The following PSG6 variants were observed in gnomAD, a reference collection of about 807,000 sequenced individuals.
PSG6 encodes pregnancy-specific beta-1-glycoprotein 6.
In PSG6, 51 loss-of-function variants were observed where a neutral mutation model predicts 43.3. That is an observed-to-expected ratio of 1.18 (90% CI 0.94 to 1.49). The LOEUF is 1.49. PSG6 is among the 40% of genes most tolerant of loss of function. PSG6 has a pLI of 0.00. For synonymous variants in PSG6, 292 were observed against 197.6 expected (o/e 1.48, Z -4.01); for missense variants, 770 against 522.2 (o/e 1.47, Z -4.62).
At position 42,902,210 on chromosome 19, in the gene PSG6, T is replaced by A. The variant is rs1972045525; in HGVS notation, c.*202A>T. 1.6e-6 allele frequency: 1 copy of A among 644,712 alleles called. No individual in the cohort carries two copies. Among genetic ancestry groups the A allele is most frequent in the Non-Finnish European group, 2.5e-6 (1 of 396,062 alleles). The allele number at this position is 644,712 out of a possible 1,614,324, so 39.9% of individuals were successfully genotyped here. A position where few individuals can be genotyped will look rare whatever the true frequency, so the allele number is the denominator to read the frequency against. On this transcript the variant is annotated 3_prime_UTR_variant, in exon 6 of 6. Transcript: ENST00000187910. ...CAATTTTTGTTTACAAAAGTATACT[T>A]TACCAATTGCTGAAGAAAAAAAGTT...
intron 3 of PSG6, among the ~76,000 whole-genome samples, chr19:42,908,373 AAC>A (rs1972158547): frequency 6.6e-6 from 1 of 151,796 alleles, no homozygotes; most frequent in Non-Finnish European, 1.5e-5. Flanking sequence ...CAGCAGAAAT[AAC>A]ACAGGGAAGA....
intron 5 of PSG6, chr19:42,906,704 C>G: frequency 4.1e-6 from 6 of 1,474,310 alleles, no homozygotes; most frequent in Non-Finnish European, 5.4e-6. Context: ...CCCTCCCTAC[C>G]TTTCTCAGGC....
At chr19:42,910,291 A>G in intron 3 of PSG6, 2 of 741,900 alleles carry the variant, frequency 2.7e-6, no homozygotes, top group Non-Finnish European at 2.1e-6. Flanking sequence ...CTGAAGTCCC[A>G]GCCAAATCCC....
Position 42,907,459 on chromosome 19 carries a change from T to TTG in PSG6, c.985+116_985+117insCA. On this transcript the variant is annotated intron_variant, in intron 4 of 5. Coordinates refer to ENST00000187910, the MANE Select transcript of PSG6 (RefSeq NM_001031850.4). ...CAGGGCAGGGAGTCATGGCCAGGTC[T>TTG]GATGTCCAGAAGTAAAGTTGTCTAT... is the stretch of plus-strand genomic sequence containing the variant. The TTG allele has an allele frequency of 2.6e-6, 4 of 1,546,880 alleles. 1 individual carries two copies. In the Admixed American group the frequency reaches 7.5e-5, roughly 29 times the overall value.
intron 5 of PSG6, among the ~76,000 whole-genome samples, chr19:42,906,134 C>A (rs902409904): frequency 6.6e-6 from 1 of 151,582 alleles, no homozygotes; most frequent in East Asian, 1.9e-4. Flanking sequence ...ATGCAGAGCC[C>A]CAGGGGTGAA....
At chr19:42,914,986 GA>G (rs1282160539) in intron 2 of PSG6, among the ~76,000 whole-genome samples, 4 of 151,618 alleles carry the variant, frequency 2.6e-5, no homozygotes, top group Non-Finnish European at 4.4e-5. Flanking sequence ...CTGGAGTACA[GA>G]CTAATCAGCT....
chr19:42,910,333 T>G (rs1237083050), intron 3 of PSG6: 7 of 1,004,596 alleles, frequency 7.0e-6, no homozygotes, highest in Non-Finnish European at 8.7e-6. Flanking sequence ...GCCTGAGACA[T>G]TCACCTGTTT....
chr19:42,911,060 G>A (rs1020189042), intron 2 of PSG6, among the ~76,000 whole-genome samples: 1 of 151,540 alleles, frequency 6.6e-6, no homozygotes, highest in Non-Finnish European at 1.5e-5. Context: ...TGTAGGAGAA[G>A]CATGGACTTT....
chr19:42,910,572 A>G lies in PSG6; in HGVS notation c.706+8T>C. The G allele has an allele frequency of 6.2e-7, 1 of 1,612,496 alleles. No homozygotes were observed. The highest frequency in any genetic ancestry group is 1.1e-5 in the South Asian group (1 of 90,630). On this transcript the variant is annotated splice_region_variant and intron_variant, in intron 3 of 5. Coordinates refer to ENST00000187910, the MANE Select transcript of PSG6 (RefSeq NM_001031850.4). ...AGCCTGGCTCACAGAGGAACAGAAG[A>G]TACTCACGGAGGAGATTCAGGGTGA...
At chr19:42,905,109 A>G (rs996628453) in intron 5 of PSG6, among the ~76,000 whole-genome samples, 4 of 151,680 alleles carry the variant, frequency 2.6e-5, no homozygotes, top group African/African-American at 7.3e-5. Context: ...TTTACCTAAC[A>G]CCATGTACAA....
At chr19:42,913,616 T>A (rs1367566614) in intron 2 of PSG6, among the ~76,000 whole-genome samples, 2 of 151,850 alleles carry the variant, frequency 1.3e-5, no homozygotes, top group African/African-American at 4.8e-5. Context: ...ATGGAGTCAC[T>A]AGTGAAATGG....
rs201132473 is a variant in PSG6 at position 42,916,269 on chromosome 19, T to C, written c.283A>G (p.Ser95Gly). 6.2e-7 allele frequency: 1 copy of C among 1,612,234 alleles called. No individual in the cohort carries two copies. The highest frequency in any genetic ancestry group is 8.5e-7 in the Non-Finnish European group (1 of 1,179,122). The part of the protein sequence containing the change: ...HGQIIYGPAY[S>G]GRETVYSNAS... Reference sequence around the variant, plus strand: ...TTGGAATATACTGTTTCTCGTCCACTGTAGGCAGGCCCATATATAATTTGA... The same window carrying C: ...TTGGAATATACTGTTTCTCGTCCACCGTAGGCAGGCCCATATATAATTTGA... The change falls in exon 2 of 6, where the codon AGT (serine) becomes GGT (glycine). Residue 95 changes from serine (S) to glycine (G), a missense_variant. By Grantham distance (56) the Ser-to-Gly change is moderately conservative. Coordinates refer to ENST00000187910, the MANE Select transcript of PSG6 (RefSeq NM_001031850.4).
chr19:42,910,435 G>T (rs745941642), intron 3 of PSG6, 145 bp downstream of exon 3: 11 of 1,594,484 alleles, frequency 6.9e-6, no homozygotes, highest in African/African-American at 1.3e-5. Flanking sequence ...ACTCTGGTTT[G>T]CCTGGAGCAG....
At chr19:42,912,992 T>C (rs749382157) in intron 2 of PSG6, among the ~76,000 whole-genome samples, 4 of 151,692 alleles carry the variant, frequency 2.6e-5, no homozygotes, top group Non-Finnish European at 4.4e-5. Flanking sequence ...AAACAAAATA[T>C]TAAATATGAA....
At position 42,907,532 on chromosome 19, in the gene PSG6, G is replaced by T. The variant is rs374592963; in HGVS notation, c.985+44C>A. ...GAGGCCTGGCCTCTGGTCGTTTGGA[G>T]TTAAGCTGGTGTCCTGGCCCACAGA... On this transcript the variant is annotated intron_variant, in intron 4 of 5. Transcript: ENST00000187910. 26 of 1,605,262 alleles carry T rather than the reference G, an allele frequency of 1.6e-5. 1 individual carries two copies. Among genetic ancestry groups the T allele is most frequent in the African/African-American group, 2.7e-5 (2 of 74,674 alleles).
At chr19:42,906,516 G>C in intron 5 of PSG6, 3 of 1,259,158 alleles carry the variant, frequency 2.4e-6, no homozygotes, top group Non-Finnish European at 3.0e-6. Flanking sequence ...GGAAAAGTGT[G>C]AGCTTGTTTC....
chr19:42,902,410 C>T lies in PSG6; in HGVS notation c.*2G>A, dbSNP rs775779736. On this transcript the variant is annotated 3_prime_UTR_variant, in exon 6 of 6. Transcript: ENST00000187910. ...TTCTCAGTGTCTCTATTGTGGCAGCCATTAATGAGACTCTGTCTGGTTTCC... is the reference window on the plus strand; with the variant it reads ...TTCTCAGTGTCTCTATTGTGGCAGCTATTAATGAGACTCTGTCTGGTTTCC... 10 of 1,610,796 alleles carry T rather than the reference C, an allele frequency of 6.2e-6. No homozygotes were observed. The African/African-American group carries it at 1.1e-4, about 17-fold the overall frequency.
Position 42,917,824 on chromosome 19 carries a change from GA to G in PSG6, c.-33del, listed in dbSNP as rs1719512020. On this transcript the variant is annotated 5_prime_UTR_variant, in exon 1 of 6. Coordinates refer to ENST00000187910, the MANE Select transcript of PSG6 (RefSeq NM_001031850.4). ...TGCTGTCTGTGTGTTCTCCCCTGTG[GA>G]GATGAGCCTAGGATCCAGAGACTTC... The G allele has an allele frequency of 1.2e-6, 2 of 1,601,944 alleles. 1 individual carries two copies. Among genetic ancestry groups the G allele is most frequent in the Admixed American group, 3.4e-5 (2 of 59,306 alleles).
intron 5 of PSG6, among the ~76,000 whole-genome samples, chr19:42,906,017 A>G (rs1381862005): frequency 6.6e-6 from 1 of 151,650 alleles, no homozygotes; most frequent in Non-Finnish European, 1.5e-5. Context: ...ACAACACTAA[A>G]TTGCACACTT....
Sources: allele counts gnomAD v4.1 joint callset (sites outside exome capture counted in the v4.1 genomes callset), GRCh38; gene constraint gnomAD v4.1.1; transcripts MANE v1.5; gene names NCBI Gene and HGNC (gene_info 2026-07-23, HGNC 2026-07-21).